The following ACACA variants were observed in gnomAD, a reference collection of about 807,000 sequenced individuals.
The protein encoded by ACACA is acetyl-CoA carboxylase 1.
In ACACA, 103 loss-of-function variants were observed where a neutral mutation model predicts 296.1. The observed-to-expected ratio is 0.35, with a 90% CI of 0.30 to 0.41. ACACA has a LOEUF of 0.41. Among genes scored for constraint, ACACA ranks in the 10% least tolerant of loss-of-function variants. The probability of loss-of-function intolerance (pLI) is 1.00; values close to 1 mark genes in which losing one functional copy is unlikely to be tolerated. For missense variants in ACACA, 1,554 were observed against 2,989.7 expected, an observed-to-expected ratio of 0.52 and a Z score of 11.20; for synonymous variants, 953 against 1,038.6, an observed-to-expected ratio of 0.92 and a Z score of 1.58.
chr17:37,266,241 T>A (rs965091604), intron 10 of ACACA, among the ~76,000 whole-genome samples: 1 of 151,912 alleles, frequency 6.6e-6, no homozygotes, highest in Non-Finnish European at 1.5e-5. Context: ...TGGTGAAACC[T>A]CATCTCTAGT....
intron 24 of ACACA, 60 bp from the exon 25 acceptor site, chr17:37,235,159 A>C: frequency 6.3e-7 from 1 of 1,593,620 alleles, no homozygotes; most frequent in Non-Finnish European, 8.6e-7. Flanking sequence ...TTTACATGCT[A>C]TTTGTTTTGT....
chr17:37,142,361 T>C (rs1037023339), intron 45 of ACACA, among the ~76,000 whole-genome samples: 3 of 152,224 alleles, frequency 2.0e-5, no homozygotes, highest in Non-Finnish European at 4.4e-5. Context: ...GGTATAGTTT[T>C]CTACCAAACT....
rs527450835 is a variant in ACACA at position 37,258,295 on chromosome 17, T to C, written c.1579A>G (p.Ile527Val). 2.5e-6 allele frequency: 4 copies of C among 1,614,076 alleles called. No individual in the cohort carries two copies. In the South Asian group the frequency reaches 3.3e-5, roughly 13 times the overall value. ...YGVSPWGDSPIDFEDSAHVPC... is the reference protein window; with the variant it reads ...YGVSPWGDSPVDFEDSAHVPC... The stretch of plus-strand genomic sequence containing the variant: ...ACGTGTGCAGAATCTTCAAAATCAA[T>C]GGGAGAATCACCCCAGGGAGATACC... The change falls in exon 13 of 56, where the codon ATT becomes GTT. Residue 527 changes from isoleucine (I) to valine (V), a missense_variant. Coordinates refer to ENST00000616317, the MANE Select transcript of ACACA (RefSeq NM_198834.3).
chr17:37,204,907 A>G (rs1157150338), intron 33 of ACACA, among the ~76,000 whole-genome samples: 1 of 152,222 alleles, frequency 6.6e-6, no homozygotes, highest in Non-Finnish European at 1.5e-5. Context: ...CATTTGGGAC[A>G]TTTAATTTTG....
At chr17:37,262,378 T>A (rs2081554780) in intron 11 of ACACA, among the ~76,000 whole-genome samples, 2 of 152,268 alleles carry the variant, frequency 1.3e-5, no homozygotes, top group African/African-American at 4.8e-5. Flanking sequence ...TGTCTCTTCC[T>A]CCCACAGGCC....
At chr17:37,316,165 C>T (rs2047075949) in intron 3 of ACACA, among the ~76,000 whole-genome samples, 1 of 152,110 alleles carries the variant, frequency 6.6e-6, no homozygotes, top group African/African-American at 2.4e-5. Flanking sequence ...CTCTGTCTTA[C>T]CGGCCTCTTC....
intron 33 of ACACA, among the ~76,000 whole-genome samples, chr17:37,205,392 T>C (rs1280941738): frequency 6.6e-6 from 1 of 152,012 alleles, no homozygotes; most frequent in Non-Finnish European, 1.5e-5. Flanking sequence ...ACTGATAGTT[T>C]CAAAGGAGGG....
intron 3 of ACACA, chr17:37,289,544 T>G (rs1297903843): frequency 7.5e-7 from 1 of 1,336,428 alleles, no homozygotes; most frequent in African/African-American, 1.5e-5. Context: ...GATACAAAAA[T>G]GTCAATCAAA....
At chr17:37,341,819 A>G (rs548235231) in intron 1 of ACACA, among the ~76,000 whole-genome samples, 1 of 152,264 alleles carries the variant, frequency 6.6e-6, no homozygotes, top group South Asian at 2.1e-4. Flanking sequence ...AAGTGTCTCA[A>G]CTGTTGGAAA....
intron 21 of ACACA, 78 bp downstream of exon 21, chr17:37,244,510 T>C (rs1445413100): frequency 1.9e-6 from 3 of 1,558,734 alleles, no homozygotes; most frequent in East Asian, 4.5e-5. Context: ...TCTTAAACAA[T>C]CATTATGAGA....
intron 24 of ACACA, among the ~76,000 whole-genome samples, chr17:37,236,601 G>C (rs2145872433): frequency 6.6e-6 from 1 of 152,240 alleles, no homozygotes; most frequent in Admixed American, 6.5e-5. Flanking sequence ...AAGGCGGGTG[G>C]ATCACTTGAG....
intron 1 of ACACA, chr17:37,379,036 C>CA: frequency 7.3e-7 from 1 of 1,364,074 alleles, no homozygotes; most frequent in African/African-American, 1.5e-5. Flanking sequence ...TGCGACACTG[C>CA]ACTCCAGCTT....
At position 37,244,638 on chromosome 17, in the gene ACACA, C is replaced by T. The variant is rs748153062; in HGVS notation, c.2692G>A (p.Val898Ile). 9 of 1,614,134 alleles carry T rather than the reference C, an allele frequency of 5.6e-6. No individual in the cohort carries two copies. The South Asian group carries it at 9.9e-5, about 18-fold the overall frequency. Residue 898 changes from valine (V) to isoleucine (I), a missense_variant, in exon 21 of 56, where the codon GTC becomes ATC. Around this residue, in one of 16 missense-constraint regions of ACACA, gnomAD observed 316 missense variants for 540.9 expected, o/e 0.58. Coordinates refer to ENST00000616317, the MANE Select transcript of ACACA (RefSeq NM_198834.3). ...AGGCAGTATCCATTCATTACATTGA[C>T]CAGATTATCCAGGACATAATGGAAC... is the stretch of plus-strand genomic sequence containing the variant. ...RVFHYVLDNL[V>I]NVMNGYCLPD...
At chr17:37,266,271 AGGCATTGTGGT>A (rs953452245) in intron 10 of ACACA, among the ~76,000 whole-genome samples, 3 of 152,034 alleles carry the variant, frequency 2.0e-5, no homozygotes, top group Non-Finnish European at 4.4e-5. Flanking sequence ...AAAACTAGCC[AGGCATTGTGGT>A]GGGCACCTGT....
chr17:37,351,480 CAAAT>C (rs2048901387), intron 1 of ACACA, among the ~76,000 whole-genome samples: 1 of 152,064 alleles, frequency 6.6e-6, no homozygotes, highest in Admixed American at 6.6e-5. Context: ...AATAAATAAA[CAAAT>C]AAAATAAAAT....
chr17:37,377,900 G>T (rs774112283), intron 1 of ACACA: 1 of 1,611,952 alleles, frequency 6.2e-7, no homozygotes, highest in East Asian at 2.2e-5. Context: ...AGCAGTTGCC[G>T]ACTGGAACAG....
At chr17:37,352,203 C>T (rs2048938485) in intron 1 of ACACA, among the ~76,000 whole-genome samples, 1 of 152,024 alleles carries the variant, frequency 6.6e-6, no homozygotes, top group Admixed American at 6.6e-5. Context: ...CAGGGGTGAG[C>T]CACCGTTCCT....
At chr17:37,344,279 C>T (rs570317943) in intron 1 of ACACA, among the ~76,000 whole-genome samples, 7 of 151,710 alleles carry the variant, frequency 4.6e-5, no homozygotes, top group South Asian at 2.1e-4. Flanking sequence ...TGGGTTGGGC[C>T]GGGCATGGCA....
intron 14 of ACACA, among the ~76,000 whole-genome samples, chr17:37,253,725 T>C (rs891289128): frequency 6.6e-6 from 1 of 152,222 alleles, no homozygotes; most frequent in Non-Finnish European, 1.5e-5. Flanking sequence ...AATTAGGGCA[T>C]TAATTCTCCC....
Sources: allele counts gnomAD v4.1 joint callset (sites outside exome capture counted in the v4.1 genomes callset), GRCh38; gene constraint gnomAD v4.1.1; regional missense constraint gnomAD v4.1.1; transcripts MANE v1.5; gene names NCBI Gene and HGNC (gene_info 2026-07-23, HGNC 2026-07-21).